The following CHCHD5 variants were observed in gnomAD, a reference collection of about 807,000 sequenced individuals.
CHCHD5 encodes the protein coiled-coil-helix-coiled-coil-helix domain-containing protein 5.
CHCHD5 carries 10 observed loss-of-function variants against 16.0 expected under a neutral mutation model. The ratio of observed to expected loss-of-function variants is 0.63; its 90% CI spans 0.39 to 1.06. The LOEUF (loss-of-function observed/expected upper bound fraction) is 1.06, where lower values mean the gene tolerates loss of function less well. Ranked by LOEUF, CHCHD5 falls within the 50% of genes least tolerant of loss-of-function variation. The pLI is 0.01. For missense variants in CHCHD5, 163 were observed against 153.4 expected (o/e 1.06, Z -0.33); for synonymous variants, 55 against 56.3 (o/e 0.98, Z 0.10).
chr2:112,585,852 C>T (rs1032467295), intron 1 of CHCHD5, 122 bp from the exon 2 acceptor site: 25 of 1,092,716 alleles, frequency 2.3e-5, no homozygotes, highest in Middle Eastern at 3.1e-4. Context: ...GAGCTATGAT[C>T]GTGCCACTGC....
In CHCHD5 at chr2:112,588,618, C is replaced by CA. The variant is rs879511458; in HGVS notation, c.310-247dup. On this transcript the variant is annotated intron_variant, in intron 3 of 3. Coordinates refer to ENST00000324913, the MANE Select transcript of CHCHD5 (RefSeq NM_032309.4). ...ATTGTCCGTCTCTCCCTGCTTGAGT[C>CA]AGAGAGTTTTGCCTGCTGGGTACAC... 19 of 510,908 alleles carry CA rather than the reference C, an allele frequency of 3.7e-5. 1 individual carries two copies. In the Middle Eastern group the frequency reaches 2.1e-3, roughly 55 times the overall value. 31.6% of individuals were successfully genotyped at this position (510,908 alleles called of 1,614,324 possible).
intron 3 of CHCHD5, chr2:112,587,233 A>G (rs2104605242): frequency 1.3e-5 from 2 of 152,314 alleles, no homozygotes; most frequent in Middle Eastern, 6.8e-3. Flanking sequence ...AGGAAATCTG[A>G]CCATGTTCTG....
upstream of CHCHD5, chr2:112,584,505 A>C: frequency 9.9e-7 from 1 of 1,010,618 alleles, no homozygotes; most frequent in South Asian, 1.4e-5. Context: ...CCGCCGTGAC[A>C]GATTAGTCCT....
At chr2:112,588,624 G>A (rs1685294316) in intron 3 of CHCHD5, 1 of 517,634 alleles carries the variant, frequency 1.9e-6, no homozygotes, top group South Asian at 2.6e-5. Flanking sequence ...GAGTCAGAGA[G>A]TTTTGCCTGC....
upstream of CHCHD5, chr2:112,584,594 C>T (rs1378256862): frequency 2.4e-5 from 38 of 1,611,400 alleles, no homozygotes; most frequent in Non-Finnish European, 3.0e-5. Flanking sequence ...CAACCGATAC[C>T]GGAAAAGGCG....
chr2:112,584,863 T>A, intron 1 of CHCHD5: 1 of 601,880 alleles, frequency 1.7e-6, no homozygotes, highest in Non-Finnish European at 3.0e-6. Flanking sequence ...CCTCTCGCGC[T>A]GCTTAGGACT....
rs531259096 is a variant in CHCHD5 at position 112,585,910 on chromosome 2, A to T, written c.3-64A>T. Reference sequence around the variant, plus strand: ...GACCCTGTCTCTAAAAAATAAAAAAAAAAAAAAGAATTCCCTTGCTTGCCT... The same window carrying T: ...GACCCTGTCTCTAAAAAATAAAAAATAAAAAAAGAATTCCCTTGCTTGCCT... On this transcript the variant is annotated intron_variant, in intron 1 of 3. Coordinates refer to ENST00000324913, the MANE Select transcript of CHCHD5 (RefSeq NM_032309.4). The T allele has an allele frequency of 1.7e-5, 27 of 1,557,978 alleles. No homozygotes were observed. The African/African-American group carries it at 1.9e-4, about 11-fold the overall frequency.
chr2:112,586,645 G>C (rs916913151), intron 3 of CHCHD5: 1 of 1,449,734 alleles, frequency 6.9e-7, no homozygotes, highest in South Asian at 1.4e-5. Context: ...AGCGGCCTGG[G>C]TGAGCATGTA....
Position 112,588,929 on chromosome 2 carries a change from G to GGCCCC in CHCHD5, c.*40_*41insGCCCC. The GGCCCC allele has an allele frequency of 2.6e-6, 4 of 1,529,260 alleles. No homozygotes were observed. The highest frequency in any genetic ancestry group is 3.6e-6 in the Non-Finnish European group (4 of 1,104,098). The allele number at this position is 1,529,260 out of a possible 1,614,324, so 94.7% of individuals were successfully genotyped here. On this transcript the variant is annotated 3_prime_UTR_variant, in exon 4 of 4. Transcript: ENST00000324913. ...GCAGGAAAACTGGACATGAATGACT[G>GGCCCC]CCCCCACGCCCCTCCCCTGCAGAGT...
intron 3 of CHCHD5, 172 bp from the exon 4 acceptor site, chr2:112,588,694 A>G (rs1286839241): frequency 5.2e-6 from 3 of 577,636 alleles, no homozygotes; most frequent in Middle Eastern, 8.3e-4. Flanking sequence ...GCCTCCCATG[A>G]CACTTCACCA....
intron 3 of CHCHD5, chr2:112,586,788 C>T (rs978662459): frequency 3.7e-6 from 2 of 547,488 alleles, no homozygotes; most frequent in African/African-American, 1.9e-5. Context: ...CTGCCTCCTG[C>T]CTCACCCTCT....
At chr2:112,588,579 A>T (rs923171691) in intron 3 of CHCHD5, 7 of 439,416 alleles carry the variant, frequency 1.6e-5, no homozygotes, top group Middle Eastern at 5.9e-4. Flanking sequence ...AATTTCTTGG[A>T]TGTTGACATA....
At chr2:112,587,654 C>T (rs1045572531) in intron 3 of CHCHD5, 1 of 152,230 alleles carries the variant, frequency 6.6e-6, no homozygotes, top group Non-Finnish European at 1.5e-5. Context: ...GGGTGATGCC[C>T]TTCTTACCAG....
chr2:112,586,166 A>G, intron 2 of CHCHD5, 34 bp from the exon 3 acceptor site: 1 of 1,608,982 alleles, frequency 6.2e-7, no homozygotes, highest in South Asian at 1.1e-5. Flanking sequence ...TGGGGTGGGA[A>G]TCTCCCAGGG....
chr2:112,584,665 G>A lies in CHCHD5; in HGVS notation c.2+16G>A. 3.1e-6 allele frequency: 5 copies of A among 1,613,962 alleles called. No homozygotes were observed. The highest frequency in any genetic ancestry group is 3.4e-6 in the Non-Finnish European group (4 of 1,179,892). On this transcript the variant is annotated intron_variant, in intron 1 of 3. Coordinates refer to ENST00000324913, the MANE Select transcript of CHCHD5 (RefSeq NM_032309.4). ...GTCTCGAGATGTGAGTAGTGAGAGC[G>A]CCTACCCCATACGTGCTGCCGCTCC...
rs370720308 is a variant in CHCHD5, at chr2:112,586,251, C to G, written c.195C>G (p.Phe65Leu). The change falls in exon 3 of 4, where the codon TTC (phenylalanine) becomes TTG (leucine). Residue 65 changes from phenylalanine to leucine, a missense_variant. Phe to Leu is a conservative substitution (Grantham distance 22). Transcript: ENST00000324913. ...CCTGTGCTCAGCCTTTTGAGGCCTT[C>G]GAGGAGTGTCTTCGACAGAACGAGG... The part of the protein sequence containing the change: ...RQACAQPFEA[F>L]EECLRQNEAA... 10 of 1,613,894 alleles carry G rather than the reference C, an allele frequency of 6.2e-6. No individual in the cohort carries two copies. Among genetic ancestry groups the G allele is most frequent in the African/African-American group, 4.0e-5 (3 of 74,942 alleles).
chr2:112,586,144 G>C, intron 2 of CHCHD5, 30 bp downstream of exon 2: 1 of 1,611,566 alleles, frequency 6.2e-7, no homozygotes, highest in Non-Finnish European at 8.5e-7. Context: ...AGACAGTGTG[G>C]GGGGTGGGCA....
At chr2:112,585,339 C>G (rs1409031264) in intron 1 of CHCHD5, among the ~76,000 whole-genome samples, 2 of 152,214 alleles carry the variant, frequency 1.3e-5, no homozygotes, top group African/African-American at 4.8e-5. Flanking sequence ...GATCTTTCTT[C>G]TAAGGCCCCA....
In CHCHD5 at chr2:112,586,291, T is replaced by C. The variant is rs1685220447; in HGVS notation, c.235T>C (p.Cys79Arg). ...LRQNEAAVGN[C>R]AEHMRRFLQC... Reference sequence around the variant, plus strand: ...ACAGAACGAGGCAGCTGTGGGCAACTGTGCAGAGCATATGCGCCGCTTCCT... The same window carrying C: ...ACAGAACGAGGCAGCTGTGGGCAACCGTGCAGAGCATATGCGCCGCTTCCT... Residue 79 changes from cysteine to arginine, a missense_variant, in exon 3 of 4, where the codon TGT (cysteine) becomes CGT (arginine). Transcript: ENST00000324913. The C allele has an allele frequency of 6.2e-7, 1 of 1,614,240 alleles. No individual in the cohort carries two copies.
Sources: gnomAD v4.1 joint callset for allele counts (sites outside exome capture counted in the v4.1 genomes callset) on GRCh38, gnomAD v4.1.1 for gene constraint, MANE v1.5 for transcripts, NCBI Gene and HGNC (gene_info 2026-07-23, HGNC 2026-07-21) for gene names.